CHST8: variants seen among roughly 807,000 people sequenced by gnomAD.
CHST8 encodes the protein GALNAC-4-ST1.
Under a neutral mutation model 15.0 loss-of-function variants are expected in CHST8, and 10 were observed. The observed-to-expected ratio is 0.67, with a 90% CI of 0.41 to 1.13. CHST8 has a LOEUF of 1.13. Ranked by LOEUF, CHST8 falls within the 50% of genes most tolerant of loss-of-function variation. The pLI is 0.00. For synonymous variants in CHST8, 259 were observed against 256.6 expected (o/e 1.01, Z -0.09); for missense variants, 634 against 608.2 (o/e 1.04, Z -0.45).
At position 33,757,371 on chromosome 19, in the gene CHST8, C is replaced by T. The variant is rs7256115; in HGVS notation, c.131-14042C>T. ...CTCCAGCCTGGGCAACAGAGTGAGA[C>T]GCGGTCTCAAAAAAAGAAGAAAGAA... On this transcript the variant is annotated intron_variant, in intron 3 of 4. Transcript: ENST00000650847. Among the ~76,000 whole-genome samples the T allele has an allele frequency of 4.1e-3, 545 of 133,702 alleles. 9 individuals carry two copies. Among genetic ancestry groups the T allele is most frequent in the African/African-American group, 0.015 (516 of 34,952 alleles). The allele number at this position is 133,702 out of a possible 152,430, so 87.7% of individuals were successfully genotyped here. A position where few individuals can be genotyped will look rare whatever the true frequency, so the allele number is the denominator to read the frequency against.
At chr19:33,711,213 G>A (rs147858562) in intron 3 of CHST8, among the ~76,000 whole-genome samples, 69 of 152,106 alleles carry the variant, frequency 4.5e-4, no homozygotes, top group African/African-American at 1.5e-3. Context: ...TTCCTGTTCC[G>A]TCATTTCATT....
At chr19:33,714,072 T>A (rs1163832172) in intron 3 of CHST8, among the ~76,000 whole-genome samples, 1 of 152,124 alleles carries the variant, frequency 6.6e-6, no homozygotes, top group Non-Finnish European at 1.5e-5. Context: ...CCCAGTGTCC[T>A]CTATGGAAAA....
chr19:33,701,079 T>G (rs1973325409), intron 3 of CHST8, among the ~76,000 whole-genome samples: 1 of 152,104 alleles, frequency 6.6e-6, no homozygotes. Flanking sequence ...GTGGGGGTCA[T>G]GAAGGACCTT....
At chr19:33,710,636 A>T (rs1048138496) in intron 3 of CHST8, among the ~76,000 whole-genome samples, 1 of 152,158 alleles carries the variant, frequency 6.6e-6, no homozygotes, top group African/African-American at 2.4e-5. Context: ...CAATTTTATC[A>T]CAACCTTGGG....
At chr19:33,674,338 A>T (rs1244676601) in intron 2 of CHST8, among the ~76,000 whole-genome samples, 1 of 152,156 alleles carries the variant, frequency 6.6e-6, no homozygotes, top group African/African-American at 2.4e-5. Context: ...CATCTGCAGG[A>T]GCTGCCATCG....
chr19:33,743,089 C>CACT (rs71181378), intron 3 of CHST8, among the ~76,000 whole-genome samples: 13,002 of 152,164 alleles, frequency 0.085, 633 homozygotes, highest in Admixed American at 0.11. Flanking sequence ...TCATTGAAGA[C>CACT]ACTACAGAGA....
intron 2 of CHST8, among the ~76,000 whole-genome samples, chr19:33,673,849 G>C (rs1357494325): frequency 6.6e-6 from 1 of 152,158 alleles, no homozygotes; most frequent in African/African-American, 2.4e-5. Context: ...CACCTCCCGG[G>C]TTCCAGCGAT....
chr19:33,695,825 T>TTTCTTTCTTTCTTTCTTTTTTTC (rs1973206699), intron 3 of CHST8, among the ~76,000 whole-genome samples: 1 of 75,878 alleles, frequency 1.3e-5, no homozygotes, highest in East Asian at 3.7e-4. Flanking sequence ...TTCTTTCTTT[T>TTTCTTTCTTTCTTTCTTTTTTTC]TTTTTTTTTT....
At chr19:33,634,523 G>A (rs534352182) in intron 1 of CHST8, among the ~76,000 whole-genome samples, 3 of 152,134 alleles carry the variant, frequency 2.0e-5, no homozygotes, top group Non-Finnish European at 4.4e-5. Context: ...AGTTTCTCTG[G>A]ATGAGTCTGG....
intron 3 of CHST8, among the ~76,000 whole-genome samples, chr19:33,742,927 G>A (rs940762192): frequency 2.0e-5 from 3 of 152,110 alleles, no homozygotes; most frequent in Admixed American, 6.5e-5. Context: ...ATCAGTCTCG[G>A]GGTGTCCAGG....
At chr19:33,769,724 G>T (rs1039067525) in intron 3 of CHST8, among the ~76,000 whole-genome samples, 1 of 152,064 alleles carries the variant, frequency 6.6e-6, no homozygotes, top group Non-Finnish European at 1.5e-5. Context: ...CCCACACCCT[G>T]AAGGGTGCAG....
intron 3 of CHST8, among the ~76,000 whole-genome samples, chr19:33,703,304 C>T (rs1245912772): frequency 6.6e-6 from 1 of 152,106 alleles, no homozygotes; most frequent in Non-Finnish European, 1.5e-5. Context: ...CGGTGGGGTC[C>T]CACCGTGTGC....
Position 33,681,184 on chromosome 19 carries a change from G to C in CHST8, c.-86-7992G>C, listed in dbSNP as rs143393818. Reference sequence around the variant, plus strand: ...GATAGCTATCACTAAATGAGGCACTGTCCCAGCTGGGCTCAGTGGAGTTCA... The same window carrying C: ...GATAGCTATCACTAAATGAGGCACTCTCCCAGCTGGGCTCAGTGGAGTTCA... On this transcript the variant is annotated intron_variant, in intron 2 of 4. Coordinates refer to ENST00000650847, the MANE Select transcript of CHST8 (RefSeq NM_001127895.2). Among the ~76,000 whole-genome samples the C allele has an allele frequency of 2.6e-3, 389 of 152,334 alleles. 2 individuals are homozygous for C. The Middle Eastern group carries it at 0.034, about 13-fold the overall frequency.
At chr19:33,764,273 G>A (rs1461720332) in intron 3 of CHST8, among the ~76,000 whole-genome samples, 1 of 152,028 alleles carries the variant, frequency 6.6e-6, no homozygotes, top group Non-Finnish European at 1.5e-5. Flanking sequence ...CTTCACTACT[G>A]ATCAGCAGGC....
rs1414974292 is a variant in CHST8, at chr19:33,772,922, G to T, written c.1134G>T (p.Ser378=). 1.9e-6 allele frequency: 3 copies of T among 1,613,434 alleles called. No individual in the cohort carries two copies. Residue 378 remains serine, a synonymous_variant, in exon 5 of 5, where the codon TCG becomes TCT. Transcript: ENST00000650847. ...TCCCCCGGTTCAAGGACCGGCACTC[G>T]CAGGAGGCGCGGACCACAGCGAGGA... ...LTFPRFKDRH[S]QEARTTARIA...
rs143026835 is a variant in CHST8 at position 33,757,379 on chromosome 19, C to G, written c.131-14034C>G. ...TGGGCAACAGAGTGAGACGCGGTCTCAAAAAAAGAAGAAAGAAAGAAAGAA... is the reference window on the plus strand; with the variant it reads ...TGGGCAACAGAGTGAGACGCGGTCTGAAAAAAAGAAGAAAGAAAGAAAGAA... On this transcript the variant is annotated intron_variant, in intron 3 of 4. Transcript: ENST00000650847. Among the ~76,000 whole-genome samples the G allele has an allele frequency of 6.1e-4, 56 of 91,470 alleles. 3 individuals carry two copies. In the Admixed American group the frequency reaches 7.2e-3, roughly 12 times the overall value. The allele number at this position is 91,470 out of a possible 152,430, so 60.0% of individuals were successfully genotyped here.
At chr19:33,667,888 A>G (rs1972682905) in intron 2 of CHST8, 45 bp downstream of exon 2, 1 of 152,248 alleles carries the variant, frequency 6.6e-6, no homozygotes, top group South Asian at 2.1e-4. Flanking sequence ...GGAATATTAG[A>G]TGATGCCATA....
intron 3 of CHST8, among the ~76,000 whole-genome samples, chr19:33,724,906 G>C (rs947991616): frequency 4.6e-5 from 7 of 152,188 alleles, no homozygotes; most frequent in Non-Finnish European, 1.0e-4. Context: ...CCCCAGCCAG[G>C]GACCAGGCCG....
chr19:33,704,994 G>A (rs1219232178), intron 3 of CHST8, among the ~76,000 whole-genome samples: 1 of 152,046 alleles, frequency 6.6e-6, no homozygotes, highest in African/African-American at 2.4e-5. Flanking sequence ...AATTTGGAAT[G>A]TGTTTTTTAA....
Sources: allele counts gnomAD v4.1 joint callset (sites outside exome capture counted in the v4.1 genomes callset), GRCh38; gene constraint gnomAD v4.1.1; transcripts MANE v1.5; gene names NCBI Gene and HGNC (gene_info 2026-07-23, HGNC 2026-07-21).